Variants in NEK1 observed in about 807,000 individuals in gnomAD.
NEK1 encodes the protein NIMA related kinase 1.
A neutral mutation model predicts 182.1 loss-of-function variants in NEK1; 137 were observed. That is an observed-to-expected ratio of 0.75 (90% CI 0.65 to 0.87). The LOEUF is 0.87. Among genes scored for constraint, NEK1 ranks in the 40% least tolerant of loss-of-function variants. The pLI, the probability that NEK1 is intolerant of heterozygous loss-of-function variation, is 0.00. For missense variants in NEK1, 1,391 were observed against 1,494.4 expected (o/e 0.93, Z 1.14); for synonymous variants, 513 against 492.2 (o/e 1.04, Z -0.56).
At chr4:169,571,127 A>T (rs955748692) in intron 12 of NEK1, among the ~76,000 whole-genome samples, 1 of 151,652 alleles carries the variant, frequency 6.6e-6, no homozygotes, top group East Asian at 1.9e-4. Context: ...CTATTGTCCT[A>T]TGACCCTGCC....
intron 4 of NEK1, among the ~76,000 whole-genome samples, chr4:169,599,912 A>G (rs947750227): frequency 6.6e-6 from 1 of 152,028 alleles, no homozygotes; most frequent in Non-Finnish European, 1.5e-5. Context: ...TCTTTTAAGA[A>G]AAAGTGTCTC....
At chr4:169,434,110 CAA>C (rs1403001984) in intron 28 of NEK1, among the ~76,000 whole-genome samples, 1 of 146,452 alleles carries the variant, frequency 6.8e-6, no homozygotes, top group Non-Finnish European at 1.5e-5. Context: ...TTTTAATAGT[CAA>C]AAAAGAAAAA....
intron 23 of NEK1, 24 bp from the exon 24 acceptor site, chr4:169,479,558 T>C (rs541896378): frequency 1.3e-6 from 2 of 1,546,056 alleles, no homozygotes; most frequent in South Asian, 2.4e-5. Context: ...TTTTATTAAA[T>C]ACATTAGGGA....
rs546331888 is a variant in NEK1, at chr4:169,506,392, G to A, written c.2007+645C>T. Among the ~76,000 whole-genome samples, 4 of 152,202 alleles carry A rather than the reference G, an allele frequency of 2.6e-5. No individual in the cohort carries two copies. In the East Asian group the frequency reaches 5.8e-4, roughly 22 times the overall value. ...TAGCATTATAAATCAGTGACAGAAG[G>A]ATGATGTAGTCATTAAATTATGCTG... is the stretch of plus-strand genomic sequence containing the variant. On this transcript the variant is annotated intron_variant, in intron 23 of 35. Coordinates refer to ENST00000507142, the MANE Select transcript of NEK1 (RefSeq NM_001199397.3).
chr4:169,488,522 A>G (rs1398025777), intron 23 of NEK1, among the ~76,000 whole-genome samples: 1 of 151,978 alleles, frequency 6.6e-6, no homozygotes, highest in Non-Finnish European at 1.5e-5. Context: ...ATTCTCTTCC[A>G]TTGTTCTATG....
At chr4:169,514,686 AG>A (rs1482833372) in intron 19 of NEK1, among the ~76,000 whole-genome samples, 1 of 152,224 alleles carries the variant, frequency 6.6e-6, no homozygotes, top group Non-Finnish European at 1.5e-5. Flanking sequence ...AATTGTTACA[AG>A]ATCTATAATT....
intron 26 of NEK1, among the ~76,000 whole-genome samples, chr4:169,474,541 C>G (rs186290929): frequency 6.6e-6 from 1 of 152,314 alleles, no homozygotes; most frequent in Admixed American, 6.5e-5. Flanking sequence ...ATTTCTGTCT[C>G]TAGCACTCTA....
At chr4:169,611,219 G>A (rs1350989195) in intron 2 of NEK1, among the ~76,000 whole-genome samples, 1 of 152,128 alleles carries the variant, frequency 6.6e-6, no homozygotes, top group Non-Finnish European at 1.5e-5. Context: ...GAACTTCTGT[G>A]GTCAAGTCCG....
intron 31 of NEK1, among the ~76,000 whole-genome samples, chr4:169,410,058 T>C (rs914665933): frequency 4.6e-5 from 7 of 152,196 alleles, no homozygotes; most frequent in African/African-American, 1.7e-4. Flanking sequence ...AAAAGAACAC[T>C]TTCAGTTCTA....
chr4:169,543,842 G>C (rs1013991414), intron 18 of NEK1, among the ~76,000 whole-genome samples: 2 of 152,200 alleles, frequency 1.3e-5, no homozygotes, highest in Non-Finnish European at 2.9e-5. Flanking sequence ...TGTATGCTGA[G>C]ACTTTGTTGA....
chr4:169,460,556 A>C (rs755754818), intron 27 of NEK1, among the ~76,000 whole-genome samples: 27 of 152,088 alleles, frequency 1.8e-4, no homozygotes, highest in Non-Finnish European at 3.5e-4. Flanking sequence ...TATGTATCCA[A>C]AACTCCTATA....
At chr4:169,529,035 G>A (rs1048540640) in intron 19 of NEK1, among the ~76,000 whole-genome samples, 6 of 152,088 alleles carry the variant, frequency 3.9e-5, no homozygotes, top group South Asian at 2.1e-4. Flanking sequence ...GGCCAAAGAC[G>A]ATATCTCAAG....
intron 23 of NEK1, among the ~76,000 whole-genome samples, chr4:169,502,950 T>C (rs1752650752): frequency 6.6e-6 from 1 of 152,096 alleles, no homozygotes; most frequent in Non-Finnish European, 1.5e-5. Flanking sequence ...TATCTCTTTG[T>C]GGACAATTTA....
intron 19 of NEK1, among the ~76,000 whole-genome samples, chr4:169,530,046 T>A (rs1365247534): frequency 6.6e-6 from 1 of 152,188 alleles, no homozygotes; most frequent in Non-Finnish European, 1.5e-5. Flanking sequence ...CTCCTGGGTA[T>A]TTATCCTATG....
chr4:169,551,998 T>C (rs1023955367), intron 18 of NEK1, among the ~76,000 whole-genome samples: 10 of 151,966 alleles, frequency 6.6e-5, no homozygotes, highest in African/African-American at 2.4e-4. Context: ...AAAAAGAATG[T>C]AAGAATGAGA....
chr4:169,480,190 G>A (rs908721920), intron 23 of NEK1, among the ~76,000 whole-genome samples: 1 of 151,980 alleles, frequency 6.6e-6, no homozygotes, highest in African/African-American at 2.4e-5. Flanking sequence ...CCTCAATCTA[G>A]GAAACAAGAC....
At chr4:169,488,295 AT>A (rs1337480114) in intron 23 of NEK1, among the ~76,000 whole-genome samples, 1 of 152,148 alleles carries the variant, frequency 6.6e-6, no homozygotes, top group Non-Finnish European at 1.5e-5. Context: ...TAGGATTTCT[AT>A]AGTTTTGGGT....
At position 169,549,308 on chromosome 4, in the gene NEK1, A is replaced by G. The variant is rs148211412; in HGVS notation, c.1562+6412T>C. On this transcript the variant is annotated intron_variant, in intron 18 of 35. Coordinates refer to ENST00000507142, the MANE Select transcript of NEK1 (RefSeq NM_001199397.3). ...TGTACACACTGTCCAACCAGTTCCA[A>G]TGAGATGAACTGGGTACCTCAGTTG... Among the ~76,000 whole-genome samples, 5 of 152,234 alleles carry G rather than the reference A, an allele frequency of 3.3e-5. No individual in the cohort carries two copies. In the East Asian group the frequency reaches 7.7e-4, roughly 24 times the overall value.
intron 18 of NEK1, among the ~76,000 whole-genome samples, chr4:169,553,003 GATCTACAGATTCAACACAATCCC>G (rs1561400014): frequency 6.6e-6 from 1 of 152,134 alleles, no homozygotes; most frequent in African/African-American, 2.4e-5. Flanking sequence ...TTCCCAAGCT[GATCTACAGATTCAACACAATCCC>G]AATCAAAATC....
Sources: gnomAD v4.1 joint callset for allele counts (sites outside exome capture counted in the v4.1 genomes callset) on GRCh38, gnomAD v4.1.1 for gene constraint, MANE v1.5 for transcripts, NCBI Gene and HGNC (gene_info 2026-07-23, HGNC 2026-07-21) for gene names.